Variants in MED12L observed in about 807,000 individuals in gnomAD.
MED12L encodes mediator of RNA polymerase II transcription subunit 12-like protein.
In MED12L, 60 loss-of-function variants were observed where a neutral mutation model predicts 281.3. The observed-to-expected ratio is 0.21, with a 90% CI of 0.17 to 0.26. MED12L has a LOEUF of 0.26. Among genes scored for constraint, MED12L ranks in the 10% least tolerant of loss-of-function variants. The pLI is 1.00. For synonymous variants in MED12L, 974 were observed against 987.2 expected (o/e 0.99, Z 0.25); for missense variants, 2,146 against 2,680.9 (o/e 0.80, Z 4.41).
chr3:151,232,427 C>T (rs1251329012), intron 16 of MED12L, among the ~76,000 whole-genome samples: 1 of 152,158 alleles, frequency 6.6e-6, no homozygotes, highest in Non-Finnish European at 1.5e-5. Context: ...CCAGCCATCC[C>T]ATTACTGGGT....
At chr3:151,400,679 T>C (rs12490184) in intron 39 of MED12L, among the ~76,000 whole-genome samples, 43,191 of 152,076 alleles carry the variant, frequency 0.28, 7,330 homozygotes, top group Non-Finnish European at 0.38. Flanking sequence ...CATGGGAACA[T>C]GCTCTTGGAT....
At chr3:151,282,135 T>C (rs1282146001) in intron 16 of MED12L, among the ~76,000 whole-genome samples, 1 of 152,200 alleles carries the variant, frequency 6.6e-6, no homozygotes, top group Non-Finnish European at 1.5e-5. Context: ...TTGAGCATAG[T>C]GAGTAAGACA....
chr3:151,140,968 C>T (rs557984946), intron 5 of MED12L, among the ~76,000 whole-genome samples: 4 of 151,484 alleles, frequency 2.6e-5, no homozygotes, highest in Non-Finnish European at 4.4e-5. Flanking sequence ...CCCAGGTTCA[C>T]GCCATTCTCC....
intron 16 of MED12L, among the ~76,000 whole-genome samples, chr3:151,265,116 C>T (rs796673616): frequency 1.2e-4 from 18 of 152,296 alleles, no homozygotes; most frequent in African/African-American, 4.3e-4. Context: ...AGTGCAGAAC[C>T]ACTTGTTATG....
rs1382288184 is a variant in MED12L, at chr3:151,156,320, A to G, written c.716A>G (p.His239Arg). 2 of 1,606,134 alleles carry G rather than the reference A, an allele frequency of 1.2e-6. No individual in the cohort carries two copies. The highest frequency in any genetic ancestry group is 2.7e-5 in the African/African-American group (2 of 74,522). ...QWEYNEKLAF[H>R]MFQEGMLEKH... ...GAATACAACGAAAAGCTAGCATTTC[A>G]CATGTTCCAGGTAACCTTTTGAAGA... The change falls in exon 6 of 45, where the codon CAC becomes CGC. Residue 239 changes from histidine (H) to arginine (R), a missense_variant. Coordinates refer to ENST00000687756, the MANE Select transcript of MED12L (RefSeq NM_001393769.1).
chr3:151,392,985 T>G (rs1462529790), intron 38 of MED12L, among the ~76,000 whole-genome samples: 1 of 152,254 alleles, frequency 6.6e-6, no homozygotes, highest in African/African-American at 2.4e-5. Flanking sequence ...TAATATATGT[T>G]CTGATTGTTG....
intron 2 of MED12L, among the ~76,000 whole-genome samples, chr3:151,100,509 A>G (rs1202959934): frequency 1.3e-5 from 2 of 152,240 alleles, no homozygotes; most frequent in African/African-American, 4.8e-5. Context: ...ACTTAAAGGT[A>G]TGGAGGATCT....
At chr3:151,240,033 C>T (rs543872534) in intron 16 of MED12L, among the ~76,000 whole-genome samples, 4 of 59,734 alleles carry the variant, frequency 6.7e-5, no homozygotes, top group African/African-American at 3.7e-4. Context: ...ATGTCTTTCT[C>T]CCACCTTTTT....
At chr3:151,419,394 G>A (rs981006539) in intron 43 of MED12L, among the ~76,000 whole-genome samples, 2 of 152,170 alleles carry the variant, frequency 1.3e-5, no homozygotes, top group Admixed American at 6.5e-5. Context: ...CATCCAACAC[G>A]GGAGAAAGAT....
intron 32 of MED12L, 48 bp downstream of exon 32, chr3:151,380,272 A>G (rs775697088): frequency 2.4e-6 from 3 of 1,276,192 alleles, no homozygotes; most frequent in African/African-American, 3.0e-5. Flanking sequence ...TTCTAACGGC[A>G]TTCATTTATT....
At position 151,434,832 on chromosome 3, in the gene MED12L, T is replaced by A. The variant is rs1398652784; in HGVS notation, c.*2028T>A. The A allele has an allele frequency of 6.6e-6, 1 of 152,244 alleles. No individual in the cohort carries two copies. Among genetic ancestry groups the A allele is most frequent in the African/African-American group, 2.4e-5 (1 of 41,474 alleles). 9.4% of individuals were successfully genotyped at this position (152,244 alleles called of 1,614,324 possible). ...AATTGCATAGCATTTGTATGCACTT[T>A]ATACTTTGCAGAGGTGAGTTAAATT... On this transcript the variant is annotated 3_prime_UTR_variant, in exon 45 of 45. Transcript: ENST00000687756.
In MED12L at chr3:151,367,792, T is replaced by C. The variant is rs2107944706; in HGVS notation, c.3448+26T>C. 2.5e-6 allele frequency: 4 copies of C among 1,581,806 alleles called. No individual in the cohort carries two copies. The South Asian group carries it at 4.6e-5, about 18-fold the overall frequency. The stretch of plus-strand genomic sequence containing the variant: ...GTAAGGCAGCATCCATGAACATCCG[T>C]TGCTCTTTGATTGTTGTCTTGATGG... On this transcript the variant is annotated intron_variant, in intron 24 of 44. Transcript: ENST00000687756.
chr3:151,302,395 A>G (rs971826542), intron 16 of MED12L, among the ~76,000 whole-genome samples: 2 of 152,244 alleles, frequency 1.3e-5, no homozygotes, highest in African/African-American at 2.4e-5. Flanking sequence ...GGTAACTAAG[A>G]GATCACAATA....
At chr3:151,341,174 G>A (rs1408301255) in intron 16 of MED12L, among the ~76,000 whole-genome samples, 1 of 152,106 alleles carries the variant, frequency 6.6e-6, no homozygotes, top group East Asian at 1.9e-4. Context: ...AACTCAAAAT[G>A]CGTGCTGGCT....
At chr3:151,153,049 G>A (rs1000498371) in intron 5 of MED12L, among the ~76,000 whole-genome samples, 11 of 152,150 alleles carry the variant, frequency 7.2e-5, no homozygotes, top group Middle Eastern at 3.2e-3. Context: ...TATAATTTAC[G>A]TGTTTTCATA....
chr3:151,277,582 G>A (rs902591380), intron 16 of MED12L, among the ~76,000 whole-genome samples: 1 of 152,114 alleles, frequency 6.6e-6, no homozygotes, highest in Non-Finnish European at 1.5e-5. Flanking sequence ...GCATGGGCTT[G>A]GTTGAATAAG....
intron 17 of MED12L, among the ~76,000 whole-genome samples, chr3:151,353,414 T>C (rs1176260423): frequency 6.6e-6 from 1 of 152,194 alleles, no homozygotes; most frequent in African/African-American, 2.4e-5. Context: ...ATTGAAAAAA[T>C]AAGCAGGTTT....
At chr3:151,425,863 C>T in intron 43 of MED12L, 5 of 411,960 alleles carry the variant, frequency 1.2e-5, no homozygotes, top group South Asian at 8.6e-5. Flanking sequence ...ATGATAACTT[C>T]AGCTGATCTT....
intron 16 of MED12L, among the ~76,000 whole-genome samples, chr3:151,219,900 C>A (rs1015523947): frequency 1.2e-4 from 17 of 140,394 alleles, no homozygotes; most frequent in African/African-American, 4.5e-4. Flanking sequence ...TACCCCCCCC[C>A]CCCCCTTGGA....
Sources: gnomAD v4.1 joint callset for allele counts (sites outside exome capture counted in the v4.1 genomes callset) on GRCh38, gnomAD v4.1.1 for gene constraint, MANE v1.5 for transcripts, NCBI Gene and HGNC (gene_info 2026-07-23, HGNC 2026-07-21) for gene names.